The following GARNL3 variants were observed in gnomAD, a reference collection of about 807,000 sequenced individuals.
The protein encoded by GARNL3 is GTPase-activating Rap/Ran-GAP domain-like protein 3.
GARNL3 carries 63 observed loss-of-function variants against 125.0 expected under a neutral mutation model. That is an observed-to-expected ratio of 0.50 (90% CI 0.41 to 0.62). GARNL3 has a LOEUF of 0.62. Among genes scored for constraint, GARNL3 ranks in the 20% least tolerant of loss-of-function variants. The pLI is 0.00. For missense variants in GARNL3, 994 were observed against 1,244.0 expected (o/e 0.80, Z 3.02); for synonymous variants, 439 against 457.5 (o/e 0.96, Z 0.52).
intron 14 of GARNL3, among the ~76,000 whole-genome samples, chr9:127,343,454 G>T (rs1829976458): frequency 6.6e-6 from 1 of 152,190 alleles, no homozygotes; most frequent in Non-Finnish European, 1.5e-5. Flanking sequence ...GTTGAAGCCA[G>T]GTCCCCTGTT....
At chr9:127,225,806 C>CGCGCCCCTCGCGCCCCTT (rs1564831684) in intron 1 of GARNL3, among the ~76,000 whole-genome samples, 2 of 3,304 alleles carry the variant, frequency 6.1e-4, no homozygotes, top group Admixed American at 3.5e-3. Context: ...CCGCGGCCCC[C>CGCGCCCCTCGCGCCCCTT]GCGCCCCTCG....
intron 2 of GARNL3, among the ~76,000 whole-genome samples, chr9:127,291,689 G>A (rs1405778746): frequency 2.7e-5 from 4 of 149,470 alleles, no homozygotes; most frequent in Admixed American, 6.7e-5. Context: ...TGGGCTCTCT[G>A]GGTCTTCCTT....
At chr9:127,344,434 G>A in intron 15 of GARNL3, 95 bp downstream of exon 15, 1 of 801,722 alleles carries the variant, frequency 1.2e-6, no homozygotes. Context: ...TTTGCCTGCT[G>A]CTGTAGGAGC....
At position 127,326,455 on chromosome 9, in the gene GARNL3, A is replaced by T. The variant is rs533382912; in HGVS notation, c.594+1360A>T. ...AAATGCTATGATGCCATTAGAAAAA[A>T]TAAGGTAGTAACACAAAGGATAAAT... On this transcript the variant is annotated intron_variant, in intron 7 of 27. Coordinates refer to ENST00000373387, the MANE Select transcript of GARNL3 (RefSeq NM_032293.5). Among the ~76,000 whole-genome samples the T allele has an allele frequency of 3.9e-5, 6 of 152,344 alleles. No individual in the cohort carries two copies. In the South Asian group the frequency reaches 1.0e-3, roughly 26 times the overall value.
rs2062888784 is a variant in GARNL3, at chr9:127,225,392, C to G, written c.-29+1054C>G. ...CGCTGCGGCGCAGGGGGTGCAGCTT[C>G]GAGAGCCCAAGGTACTGCGGACGGG... On this transcript the variant is annotated intron_variant, in intron 1 of 10. Transcript: ENST00000439286. The G allele has an allele frequency of 4.1e-6, 4 of 983,336 alleles. No individual in the cohort carries two copies. In the African/African-American group the frequency reaches 7.0e-5, roughly 17 times the overall value. 60.9% of individuals were successfully genotyped at this position (983,336 alleles called of 1,614,324 possible). A position where few individuals can be genotyped will look rare whatever the true frequency, so the allele number is the denominator to read the frequency against.
chr9:127,341,609 C>G (rs1042887204), intron 13 of GARNL3, among the ~76,000 whole-genome samples: 33 of 152,098 alleles, frequency 2.2e-4, no homozygotes, highest in African/African-American at 8.0e-4. Flanking sequence ...CAGCATGGGG[C>G]TCAGGAAGAC....
chr9:127,364,784 A>C lies in GARNL3; in HGVS notation c.2095-516A>C, dbSNP rs535502413. ...AAGGATGCCTCGCTGGAGGTACGAG[A>C]GCGGTAAGGTTGAAAGAGAACCAGA... On this transcript the variant is annotated intron_variant, in intron 21 of 27. Coordinates refer to ENST00000373387, the MANE Select transcript of GARNL3 (RefSeq NM_032293.5). This position sits in a 1 kb window ranked among gnomAD's most constrained non-coding sequence, Gnocchi z 4.2. The C allele has an allele frequency of 6.5e-6, 1 of 153,460 alleles. No individual in the cohort carries two copies. The highest frequency in any genetic ancestry group is 1.4e-5 in the Non-Finnish European group (1 of 68,988). The allele number at this position is 153,460 out of a possible 1,614,324, so 9.5% of individuals were successfully genotyped here. A position where few individuals can be genotyped will look rare whatever the true frequency, so the allele number is the denominator to read the frequency against.
intron 2 of GARNL3, among the ~76,000 whole-genome samples, chr9:127,246,885 T>C (rs1444462458): frequency 1.3e-5 from 2 of 149,976 alleles, no homozygotes; most frequent in Admixed American, 6.6e-5. Flanking sequence ...AAAGTCTTCT[T>C]GGAGAGAAGG....
chr9:127,388,597 G>T, intron 25 of GARNL3: 1 of 387,226 alleles, frequency 2.6e-6, no homozygotes. Context: ...TTTATTGCAC[G>T]CAGTTAAGAT....
intron 12 of GARNL3, among the ~76,000 whole-genome samples, chr9:127,338,707 A>G (rs1227705500): frequency 6.6e-6 from 1 of 152,310 alleles, no homozygotes; most frequent in South Asian, 2.1e-4. Context: ...GCTGCCTGGT[A>G]TGCAGCAGGT....
intron 8 of GARNL3, among the ~76,000 whole-genome samples, chr9:127,332,674 T>C (rs749952517): frequency 1.3e-5 from 2 of 152,228 alleles, no homozygotes; most frequent in Non-Finnish European, 2.9e-5. Flanking sequence ...GGAAGAATTA[T>C]AAGATGGCGT....
chr9:127,373,967 C>G (rs1160582224), intron 22 of GARNL3, among the ~76,000 whole-genome samples: 1 of 152,026 alleles, frequency 6.6e-6, no homozygotes, highest in Middle Eastern at 3.2e-3. Context: ...GATCAGGCTA[C>G]TGCACTCCAG....
chr9:127,271,639 A>G (rs1303086471), intron 1 of GARNL3, among the ~76,000 whole-genome samples: 1 of 150,426 alleles, frequency 6.6e-6, no homozygotes, highest in Non-Finnish European at 1.5e-5. Flanking sequence ...CAGAAAAAGC[A>G]CAAGATTGTT....
intron 1 of GARNL3, among the ~76,000 whole-genome samples, chr9:127,241,586 C>T (rs938989168): frequency 1.3e-5 from 2 of 151,792 alleles, no homozygotes; most frequent in South Asian, 2.1e-4. Context: ...ATGTGGCCTG[C>T]TGGGCCCAGG....
At chr9:127,297,043 C>G (rs2064620901) in intron 2 of GARNL3, among the ~76,000 whole-genome samples, 1 of 152,204 alleles carries the variant, frequency 6.6e-6, no homozygotes, top group African/African-American at 2.4e-5. Flanking sequence ...CATTATACCA[C>G]ACCCCTAAAG....
At chr9:127,337,795 G>C (rs1158329041) in intron 11 of GARNL3, among the ~76,000 whole-genome samples, 3 of 152,208 alleles carry the variant, frequency 2.0e-5, no homozygotes, top group Admixed American at 1.3e-4. Context: ...TTCCAGGCAA[G>C]GGAACTGCTC....
chr9:127,333,782 G>A (rs1486800169), intron 9 of GARNL3, among the ~76,000 whole-genome samples: 2 of 152,188 alleles, frequency 1.3e-5, no homozygotes, highest in Non-Finnish European at 2.9e-5. Flanking sequence ...ATGCAATGTG[G>A]CCTGGAGTAG....
chr9:127,368,330 CTTT>C (rs113907432), intron 22 of GARNL3, among the ~76,000 whole-genome samples: 4 of 128,958 alleles, frequency 3.1e-5, no homozygotes, highest in Non-Finnish European at 3.3e-5. Flanking sequence ...AAATACATTT[CTTT>C]TTTTTTTTTT....
At chr9:127,341,781 G>A (rs926963093) in intron 13 of GARNL3, among the ~76,000 whole-genome samples, 8 of 152,168 alleles carry the variant, frequency 5.3e-5, no homozygotes, top group Non-Finnish European at 8.8e-5. Flanking sequence ...GAAATGAAAC[G>A]AAGGGCTGGG....
Sources: allele counts gnomAD v4.1 joint callset (sites outside exome capture counted in the v4.1 genomes callset), GRCh38; gene constraint gnomAD v4.1.1; non-coding constraint Gnocchi (gnomAD v3.1); transcripts MANE v1.5; gene names NCBI Gene and HGNC (gene_info 2026-07-23, HGNC 2026-07-21).